The following THSD7B variants were observed in gnomAD, a reference collection of about 807,000 sequenced individuals.
THSD7B encodes the protein thrombospondin type-1 domain-containing protein 7B.
Under a neutral mutation model 213.6 loss-of-function variants are expected in THSD7B, and 138 were observed. The ratio of observed to expected loss-of-function variants is 0.65; its 90% CI spans 0.56 to 0.74. The LOEUF (loss-of-function observed/expected upper bound fraction) is 0.74, where lower values mean the gene tolerates loss of function less well. Ranked by LOEUF, THSD7B falls within the 30% of genes least tolerant of loss-of-function variation. THSD7B has a pLI of 0.00. For synonymous variants in THSD7B, 742 were observed against 687.0 expected (o/e 1.08, Z -1.25); for missense variants, 1,931 against 1,991.5 (o/e 0.97, Z 0.58).
intron 7 of THSD7B, among the ~76,000 whole-genome samples, chr2:137,226,557 A>G (rs1213895411): frequency 1.3e-5 from 2 of 151,768 alleles, no homozygotes; most frequent in Non-Finnish European, 2.9e-5. Context: ...GAGTATATTC[A>G]TATGTTAAGA....
At chr2:137,515,096 A>G (rs1321947146) in intron 15 of THSD7B, among the ~76,000 whole-genome samples, 3 of 152,194 alleles carry the variant, frequency 2.0e-5, no homozygotes, top group Non-Finnish European at 2.9e-5. Context: ...TGAAAGGTGC[A>G]TGCACAGCCT....
intron 5 of THSD7B, among the ~76,000 whole-genome samples, chr2:137,136,588 T>G (rs1679466258): frequency 6.6e-6 from 1 of 152,180 alleles, no homozygotes; most frequent in African/African-American, 2.4e-5. Flanking sequence ...AGGCGTAAAG[T>G]TAAGCAGATG....
chr2:137,597,449 C>G (rs1352171250), intron 17 of THSD7B, among the ~76,000 whole-genome samples: 1 of 142,332 alleles, frequency 7.0e-6, no homozygotes. Flanking sequence ...AAAAGAAAAA[C>G]AAAACCAAAA....
intron 12 of THSD7B, among the ~76,000 whole-genome samples, chr2:137,402,803 G>A (rs1473992232): frequency 4.6e-5 from 5 of 107,908 alleles, no homozygotes; most frequent in Admixed American, 1.3e-4. Flanking sequence ...GCAGTGAAGC[G>A]AAACTCCATC....
chr2:137,065,991 C>T (rs1037707921), intron 3 of THSD7B, among the ~76,000 whole-genome samples: 2 of 151,648 alleles, frequency 1.3e-5, no homozygotes, highest in Admixed American at 6.6e-5. Flanking sequence ...TCCTTAATTC[C>T]TTCTCCAATT....
intron 12 of THSD7B, among the ~76,000 whole-genome samples, chr2:137,400,409 A>G (rs1463402561): frequency 6.6e-6 from 1 of 152,020 alleles, no homozygotes; most frequent in African/African-American, 2.4e-5. Flanking sequence ...TTTTTCCTGA[A>G]GATATGGCTA....
rs1438398081 is a variant in THSD7B at position 137,146,758 on chromosome 2, TATC to T, written c.1370-13452_1370-13450del. Among the ~76,000 whole-genome samples the T allele has an allele frequency of 2.6e-5, 4 of 152,058 alleles. No homozygotes were observed. In the East Asian group the frequency reaches 5.8e-4, roughly 22 times the overall value. ...TATAGCATATGTTTATTTGTGAAAA[TATC>T]ATAAGGGAGGAAAAGACAATTAGGA... On this transcript the variant is annotated intron_variant, in intron 5 of 27. Transcript: ENST00000409968.
chr2:137,118,950 A>C (rs1388092148), intron 5 of THSD7B, among the ~76,000 whole-genome samples: 1 of 152,166 alleles, frequency 6.6e-6, no homozygotes, highest in Non-Finnish European at 1.5e-5. Flanking sequence ...TAAAACCATC[A>C]GATCTCATGA....
intron 15 of THSD7B, among the ~76,000 whole-genome samples, chr2:137,528,027 A>C (rs937711811): frequency 6.6e-6 from 1 of 152,090 alleles, no homozygotes; most frequent in Admixed American, 6.6e-5. Flanking sequence ...GCTGGGCTTG[A>C]GTTTTTGTCA....
intron 7 of THSD7B, among the ~76,000 whole-genome samples, chr2:137,188,941 CA>C (rs1041783991): frequency 6.6e-6 from 1 of 152,170 alleles, no homozygotes; most frequent in African/African-American, 2.4e-5. Context: ...CCGGTTTGCT[CA>C]GTGAAACCCC....
chr2:136,865,564 C>T (rs1048813395), intron 1 of THSD7B, among the ~76,000 whole-genome samples: 3 of 152,202 alleles, frequency 2.0e-5, no homozygotes, highest in Non-Finnish European at 4.4e-5. Flanking sequence ...ATGTTTGTCT[C>T]AGTACTATCA....
At chr2:136,809,901 G>C (rs1202103304) in intron 1 of THSD7B, among the ~76,000 whole-genome samples, 1 of 152,184 alleles carries the variant, frequency 6.6e-6, no homozygotes, top group Admixed American at 6.5e-5. Context: ...GGTACTCACA[G>C]AATAGGCATG....
intron 2 of THSD7B, among the ~76,000 whole-genome samples, chr2:136,933,726 C>T (rs982942410): frequency 3.3e-5 from 5 of 151,990 alleles, no homozygotes; most frequent in Admixed American, 6.6e-5. Flanking sequence ...TTCCCTGTCC[C>T]CCCATCCTTC....
chr2:137,280,403 T>C (rs911305388), intron 12 of THSD7B, among the ~76,000 whole-genome samples: 5 of 152,190 alleles, frequency 3.3e-5, no homozygotes, highest in African/African-American at 1.2e-4. Flanking sequence ...AAGGATATTT[T>C]AGGATTTATA....
chr2:136,804,431 CA>C (rs1682248941), intron 1 of THSD7B, among the ~76,000 whole-genome samples: 3 of 144,924 alleles, frequency 2.1e-5, no homozygotes, highest in African/African-American at 5.2e-5. Flanking sequence ...CACACACACA[CA>C]CACACACCCT....
chr2:136,914,913 A>C (rs1410308575), intron 2 of THSD7B, among the ~76,000 whole-genome samples: 1 of 152,170 alleles, frequency 6.6e-6, no homozygotes, highest in African/African-American at 2.4e-5. Context: ...TATAATTTTG[A>C]GCTATATTAC....
intron 14 of THSD7B, among the ~76,000 whole-genome samples, chr2:137,442,967 G>T (rs771769042): frequency 6.6e-6 from 1 of 152,064 alleles, no homozygotes; most frequent in Non-Finnish European, 1.5e-5. Flanking sequence ...TTATTGTGTT[G>T]CAAATGCCAA....
intron 1 of THSD7B, among the ~76,000 whole-genome samples, chr2:136,837,567 C>T (rs183701931): frequency 1.4e-4 from 22 of 152,296 alleles, no homozygotes; most frequent in African/African-American, 5.3e-4. Context: ...TATTTTATAG[C>T]ACTTCTCATT....
chr2:136,796,057 C>T (rs1255601060), intron 1 of THSD7B, among the ~76,000 whole-genome samples: 2 of 151,850 alleles, frequency 1.3e-5, no homozygotes, highest in African/African-American at 4.8e-5. Context: ...GTGTTCTGTC[C>T]TCTCTGAAAT....
Sources: allele counts gnomAD v4.1 joint callset (sites outside exome capture counted in the v4.1 genomes callset), GRCh38; gene constraint gnomAD v4.1.1; transcripts MANE v1.5; gene names NCBI Gene and HGNC (gene_info 2026-07-23, HGNC 2026-07-21).